Variants in SNX30 observed in about 807,000 individuals in gnomAD.
SNX30 encodes the protein sorting nexin-30.
SNX30 carries 24 observed loss-of-function variants against 46.4 expected under a neutral mutation model. The observed-to-expected ratio is 0.52, with a 90% CI of 0.37 to 0.73. The LOEUF (loss-of-function observed/expected upper bound fraction) is 0.73, where lower values mean the gene tolerates loss of function less well. Among genes scored for constraint, SNX30 ranks in the 30% least tolerant of loss-of-function variants. The pLI is 0.00. For missense variants in SNX30, 533 were observed against 555.7 expected, an observed-to-expected ratio of 0.96 and a Z score of 0.41; for synonymous variants, 189 against 211.5, an observed-to-expected ratio of 0.89 and a Z score of 0.92.
At chr9:112,783,877 T>C (rs1839881926) in intron 1 of SNX30, among the ~76,000 whole-genome samples, 1 of 152,204 alleles carries the variant, frequency 6.6e-6, no homozygotes, top group African/African-American at 2.4e-5. Context: ...GAGGCAGCTG[T>C]CACGTGGGTA....
At chr9:112,864,214 T>C (rs1421795238) in intron 7 of SNX30, 33 bp from the exon 8 acceptor site, 1 of 1,611,412 alleles carries the variant, frequency 6.2e-7, no homozygotes, top group South Asian at 1.1e-5. Flanking sequence ...CAGTTTTGTG[T>C]GCAGGGCACC....
At chr9:112,766,270 G>A (rs1448263914) in intron 1 of SNX30, among the ~76,000 whole-genome samples, 1 of 151,948 alleles carries the variant, frequency 6.6e-6, no homozygotes, top group Non-Finnish European at 1.5e-5. Context: ...TTTTATGGGT[G>A]AATAATACTT....
chr9:112,774,769 T>A (rs910513019), intron 1 of SNX30, among the ~76,000 whole-genome samples: 1 of 152,158 alleles, frequency 6.6e-6, no homozygotes, highest in Non-Finnish European at 1.5e-5. Flanking sequence ...GTGAAGTCTT[T>A]GTTCAAATCT....
downstream of SNX30, among the ~76,000 whole-genome samples, chr9:112,882,899 A>G (rs1300798806): frequency 1.3e-5 from 2 of 152,190 alleles, no homozygotes; most frequent in African/African-American, 4.8e-5. Flanking sequence ...AGAACCCCAA[A>G]CAATTCCTAC....
At chr9:112,792,887 T>TC (rs892371164) in intron 1 of SNX30, among the ~76,000 whole-genome samples, 3 of 151,216 alleles carry the variant, frequency 2.0e-5, no homozygotes, top group African/African-American at 7.3e-5. Flanking sequence ...TTAGGCTTTT[T>TC]TTTTTCTTTT....
At chr9:112,777,215 G>C (rs1283945447) in intron 1 of SNX30, among the ~76,000 whole-genome samples, 2 of 151,878 alleles carry the variant, frequency 1.3e-5, no homozygotes, top group African/African-American at 4.8e-5. Context: ...CTGTTTTCTG[G>C]CTTTTTAATG....
Position 112,868,813 on chromosome 9 carries a change from A to G in SNX30, c.1284A>G (p.Pro428=), listed in dbSNP as rs984704146. The G allele has an allele frequency of 6.2e-7, 1 of 1,613,984 alleles. No individual in the cohort carries two copies. The highest frequency in any genetic ancestry group is 8.5e-7 in the Non-Finnish European group (1 of 1,179,976). Residue 428 remains proline, a synonymous_variant, in exon 9 of 9, where the codon CCA becomes CCG. Coordinates refer to ENST00000374232, the MANE Select transcript of SNX30 (RefSeq NM_001012994.2). ...KCLMAWESII[P]LLQEKQEAK ...TCATGGCGTGGGAGTCGATTATTCC[A>G]CTACTGCAGGAGAAACAAGAGGCCA...
At chr9:112,838,459 AC>A (rs1564287249) in intron 5 of SNX30, 38 bp from the exon 6 acceptor site, 1 of 1,562,106 alleles carries the variant, frequency 6.4e-7, no homozygotes, top group Non-Finnish European at 8.7e-7. Flanking sequence ...AGCAACTGCT[AC>A]CCAGCCAGAT....
intron 1 of SNX30, among the ~76,000 whole-genome samples, chr9:112,761,183 G>A (rs1839429739): frequency 1.3e-5 from 2 of 152,140 alleles, no homozygotes; most frequent in African/African-American, 4.8e-5. Context: ...TTGTTTTTGA[G>A]ACGGAGTCTC....
At chr9:112,866,639 C>A in intron 8 of SNX30, 1 of 439,950 alleles carries the variant, frequency 2.3e-6, no homozygotes, top group Non-Finnish European at 4.7e-6. Flanking sequence ...AATTTCACCA[C>A]TCTTCTTTCT....
intron 1 of SNX30, among the ~76,000 whole-genome samples, chr9:112,768,647 C>CTTCTTCTTTTTTTTTTT (rs1554748345): frequency 3.1e-5 from 2 of 64,366 alleles, no homozygotes; most frequent in Non-Finnish European, 6.6e-5. Context: ...ATTCTTTCTT[C>CTTCTTCTTTTTTTTTTT]TTTTTTTTTT....
intron 5 of SNX30, among the ~76,000 whole-genome samples, 179 bp from the exon 6 acceptor site, chr9:112,838,319 G>C (rs10981519): frequency 4.6e-5 from 7 of 152,136 alleles, no homozygotes; most frequent in Non-Finnish European, 8.8e-5. Flanking sequence ...GCTGTCAGAG[G>C]TTTTTAAGCA....
intron 1 of SNX30, among the ~76,000 whole-genome samples, chr9:112,769,840 G>C (rs1839616893): frequency 6.6e-6 from 1 of 152,054 alleles, no homozygotes; most frequent in African/African-American, 2.4e-5. Context: ...TCTCCAACAG[G>C]CATGTCAAGC....
At position 112,834,879 on chromosome 9, in the gene SNX30, CA is replaced by C. The variant is rs979028298; in HGVS notation, c.619-1334del. On this transcript the variant is annotated intron_variant, in intron 4 of 8. Transcript: ENST00000374232. The stretch of plus-strand genomic sequence containing the variant: ...ACACACACACACACACACACACACA[CA>C]CACCTACCTCAATAGGAAAGGCTGG... Among the ~76,000 whole-genome samples the C allele has an allele frequency of 4.3e-3, 346 of 80,824 alleles. 1 individual carries two copies. Among genetic ancestry groups the C allele is most frequent in the Middle Eastern group, 0.011 (2 of 182 alleles). The allele number at this position is 80,824 out of a possible 152,430, so 53.0% of individuals were successfully genotyped here.
chr9:112,751,323 G>C (rs918347984), intron 1 of SNX30, among the ~76,000 whole-genome samples, 166 bp downstream of exon 1: 2 of 152,172 alleles, frequency 1.3e-5, no homozygotes, highest in Non-Finnish European at 2.9e-5. Flanking sequence ...CTCCTCTGCC[G>C]CCTCCGCGGG....
chr9:112,849,467 A>G (rs1376092699), intron 6 of SNX30, among the ~76,000 whole-genome samples: 1 of 152,092 alleles, frequency 6.6e-6, no homozygotes, highest in Non-Finnish European at 1.5e-5. Context: ...CGTTTCCATT[A>G]TAGCAGAAAG....
Position 112,819,369 on chromosome 9 carries a change from C to T in SNX30, c.459+1554C>T, listed in dbSNP as rs141917804. Among the ~76,000 whole-genome samples the T allele has an allele frequency of 2.4e-3, 357 of 146,448 alleles. 2 individuals carry two copies. The highest frequency in any genetic ancestry group is 8.6e-3 in the African/African-American group (342 of 39,742). The stretch of plus-strand genomic sequence containing the variant: ...GCAACCTCTGCCCCCGGAGTTCAAG[C>T]GATTCTTCTGCCTCAGCCTCCTGAG... On this transcript the variant is annotated intron_variant, in intron 3 of 8. Coordinates refer to ENST00000374232, the MANE Select transcript of SNX30 (RefSeq NM_001012994.2).
chr9:112,870,611 T>C lies in SNX30; in HGVS notation c.*1768T>C, dbSNP rs868032036. The C allele has an allele frequency of 6.6e-5, 10 of 152,408 alleles. No individual in the cohort carries two copies. The highest frequency in any genetic ancestry group is 1.9e-4 in the East Asian group (1 of 5,194). The allele number at this position is 152,408 out of a possible 1,614,324, so 9.4% of individuals were successfully genotyped here. A position where few individuals can be genotyped will look rare whatever the true frequency, so the allele number is the denominator to read the frequency against. On this transcript the variant is annotated 3_prime_UTR_variant, in exon 9 of 9. Transcript: ENST00000374232. The stretch of plus-strand genomic sequence containing the variant: ...GTTTGGTACAGTTAGAAATGACTCA[T>C]TGATGCGGACAGGTAAGAACAACCC...
chr9:112,868,754 T>C, intron 8 of SNX30, 30 bp from the exon 9 acceptor site: 1 of 1,613,598 alleles, frequency 6.2e-7, no homozygotes, highest in Non-Finnish European at 8.5e-7. Flanking sequence ...AACTCAAAGC[T>C]GATACTGTGT....
Sources: allele counts gnomAD v4.1 joint callset (sites outside exome capture counted in the v4.1 genomes callset), GRCh38; gene constraint gnomAD v4.1.1; transcripts MANE v1.5; gene names NCBI Gene and HGNC (gene_info 2026-07-23, HGNC 2026-07-21).